KAZN: variants seen among roughly 807,000 people sequenced by gnomAD.
KAZN encodes the protein kazrin, periplakin interacting protein.
A neutral mutation model predicts 87.4 loss-of-function variants in KAZN; 40 were observed. The observed-to-expected ratio is 0.46, with a 90% confidence interval of 0.36 to 0.60. The LOEUF is 0.60. Among genes scored for constraint, KAZN ranks in the 20% least tolerant of loss-of-function variants. KAZN has a pLI of 0.00. For missense variants in KAZN, 898 were observed against 1,073.9 expected, an observed-to-expected ratio of 0.84 and a Z score of 2.29; for synonymous variants, 466 against 458.3, an observed-to-expected ratio of 1.02 and a Z score of -0.22.
intron 1 of KAZN, among the ~76,000 whole-genome samples, chr1:14,721,682 T>G (rs1643116586): frequency 6.6e-6 from 1 of 152,192 alleles, no homozygotes; most frequent in African/African-American, 2.4e-5. Flanking sequence ...TCCAACACAT[T>G]TCTGGGTTTT....
At chr1:14,275,490 G>GTGTGTGTGTGTC (rs1028648873) in intron 2 of KAZN, among the ~76,000 whole-genome samples, 3 of 143,894 alleles carry the variant, frequency 2.1e-5, no homozygotes, top group Non-Finnish European at 1.5e-5. Flanking sequence ...GTGTGTGTGT[G>GTGTGTGTGTGTC]TCTAAACAAT....
intron 1 of KAZN, among the ~76,000 whole-genome samples, chr1:14,178,758 TATGAATGTTAC>T (rs777505823): frequency 3.2e-3 from 484 of 152,342 alleles, no homozygotes; most frequent in Middle Eastern, 0.014. Context: ...CCCTAAGCAT[TATGAATGTTAC>T]ATTTTGGGGT....
intron 1 of KAZN, among the ~76,000 whole-genome samples, chr1:14,666,312 G>A (rs181887228): frequency 2.0e-4 from 30 of 152,110 alleles, no homozygotes; most frequent in African/African-American, 7.0e-4. Context: ...TCTTCTCCTC[G>A]CCCCCTTTCC....
At chr1:15,074,204 G>A (rs947295225) in intron 8 of KAZN, among the ~76,000 whole-genome samples, 48 of 152,348 alleles carry the variant, frequency 3.2e-4, no homozygotes, top group African/African-American at 9.9e-4. Flanking sequence ...GAAGGCGGTC[G>A]GCAAGGGAGA....
chr1:14,611,140 A>G (rs1027837027), intron 1 of KAZN, among the ~76,000 whole-genome samples: 1 of 152,118 alleles, frequency 6.6e-6, no homozygotes, highest in South Asian at 2.1e-4. Context: ...AGAGGAATGG[A>G]AGGGGAGGTA....
rs4578218 is a variant in KAZN, at chr1:14,126,508, G to T, written c.92-53927G>T. Among the ~76,000 whole-genome samples the T allele has an allele frequency of 2.6e-5, 4 of 152,094 alleles. No homozygotes were observed. The South Asian group carries it at 8.3e-4, about 32-fold the overall frequency. ...TCCAAGCTTCAGATGTTCTTTCCTG[G>T]TATGTTTCCTTTACTTGTACAGAGT... On this transcript the variant is annotated intron_variant, in intron 1 of 16. Coordinates refer to the KAZN transcript ENST00000636203.
intron 1 of KAZN, among the ~76,000 whole-genome samples, chr1:14,014,008 T>G (rs1640446540): frequency 6.6e-6 from 1 of 152,128 alleles, no homozygotes; most frequent in South Asian, 2.1e-4. Context: ...GAGGAACGGG[T>G]GTTGCTTGTC....
rs1241351031 is a variant in KAZN, at chr1:14,388,136, G to A, written c.249+207544G>A. On this transcript the variant is annotated intron_variant, in intron 2 of 16. Transcript: ENST00000636203. ...GAAAGGGAACTCCCTGATCCCTTGC[G>A]CTTCCCGAGTGAGGCAATGCCTCGC... 4.6e-5 allele frequency among the ~76,000 whole-genome samples: 7 copies of A among 152,184 alleles called. No individual in the cohort carries two copies. In the South Asian group the frequency reaches 8.3e-4, roughly 18 times the overall value.
upstream of KAZN, among the ~76,000 whole-genome samples, chr1:14,595,184 T>C (rs1444835548): frequency 1.3e-5 from 2 of 151,958 alleles, no homozygotes; most frequent in East Asian, 3.9e-4. Context: ...CAAACCAGGA[T>C]TCAGTTCTTT....
At chr1:13,945,708 TGTGAGA>T (rs1262598526) in intron 1 of KAZN, among the ~76,000 whole-genome samples, 26 of 134,500 alleles carry the variant, frequency 1.9e-4, no homozygotes, top group African/African-American at 7.3e-4. Context: ...TGTGTGTGTG[TGTGAGA>T]GAGAGAGAGA....
rs548243943 is a variant in KAZN at position 14,718,403 on chromosome 1, C to G, written c.226+119180C>G. ...GAGTACAGACCAGATTTCCCCCAACCTGGCATGTGGACGTCCTTGCGGGGA... is the reference window on the plus strand; with the variant it reads ...GAGTACAGACCAGATTTCCCCCAACGTGGCATGTGGACGTCCTTGCGGGGA... On this transcript the variant is annotated intron_variant, in intron 1 of 14. Coordinates refer to ENST00000376030, the MANE Select transcript of KAZN (RefSeq NM_201628.3). Among the ~76,000 whole-genome samples, 64 of 152,340 alleles carry G rather than the reference C, an allele frequency of 4.2e-4. 1 individual carries two copies. In the South Asian group the frequency reaches 0.013, roughly 31 times the overall value.
chr1:14,938,829 G>T (rs1352921287), intron 1 of KAZN, among the ~76,000 whole-genome samples: 1 of 152,176 alleles, frequency 6.6e-6, no homozygotes, highest in Non-Finnish European at 1.5e-5. Flanking sequence ...TCCACCTCTT[G>T]TAAAATGAGA....
intron 1 of KAZN, among the ~76,000 whole-genome samples, chr1:14,143,386 G>A (rs991753511): frequency 2.0e-5 from 3 of 152,006 alleles, no homozygotes; most frequent in South Asian, 2.1e-4. Context: ...CTATTGTTTC[G>A]TGTATGTACC....
intron 1 of KAZN, among the ~76,000 whole-genome samples, chr1:14,843,255 A>G (rs1407726972): frequency 6.6e-6 from 1 of 152,198 alleles, no homozygotes; most frequent in Admixed American, 6.5e-5. Context: ...AAAGGGAGAG[A>G]GAATCCAGAA....
At chr1:14,512,762 T>C (rs529683564) in intron 2 of KAZN, among the ~76,000 whole-genome samples, 2 of 152,234 alleles carry the variant, frequency 1.3e-5, no homozygotes, top group South Asian at 4.1e-4. Context: ...GAAATTAAGA[T>C]GGAGATAAAG....
intron 2 of KAZN, among the ~76,000 whole-genome samples, chr1:14,290,469 G>A (rs1653594339): frequency 6.6e-6 from 1 of 151,986 alleles, no homozygotes; most frequent in Non-Finnish European, 1.5e-5. Flanking sequence ...TGATCGAATT[G>A]GCTATTGAAG....
chr1:14,612,159 AG>A (rs1677873162), intron 1 of KAZN, among the ~76,000 whole-genome samples: 1 of 152,186 alleles, frequency 6.6e-6, no homozygotes, highest in Non-Finnish European at 1.5e-5. Flanking sequence ...TAAAACTACT[AG>A]ATTATAGTAC....
intron 2 of KAZN, among the ~76,000 whole-genome samples, chr1:14,435,190 G>T (rs1206323446): frequency 6.6e-6 from 1 of 152,164 alleles, no homozygotes; most frequent in Non-Finnish European, 1.5e-5. Context: ...TGTTCTCCCT[G>T]CTTTCCTTAT....
intron 2 of KAZN, among the ~76,000 whole-genome samples, chr1:14,366,550 C>T (rs1660014092): frequency 6.6e-6 from 1 of 152,250 alleles, no homozygotes; most frequent in South Asian, 2.1e-4. Flanking sequence ...ACTCCATTCA[C>T]TCAAACTTGC....
Sources: gnomAD v4.1 joint callset for allele counts (sites outside exome capture counted in the v4.1 genomes callset) on GRCh38, gnomAD v4.1.1 for gene constraint, MANE v1.5 for transcripts, NCBI Gene and HGNC (gene_info 2026-07-23, HGNC 2026-07-21) for gene names.